The following PALS1 variants were observed in gnomAD, a reference collection of about 807,000 sequenced individuals.
PALS1 encodes protein PALS1.
A neutral mutation model predicts 78.9 loss-of-function variants in PALS1; 31 were observed. That is an observed-to-expected ratio of 0.39 (90% CI 0.30 to 0.53). The LOEUF is 0.53. Among genes scored for constraint, PALS1 ranks in the 20% least tolerant of loss-of-function variants. PALS1 has a pLI of 0.67. For synonymous variants in PALS1, 276 were observed against 270.9 expected (o/e 1.02, Z -0.18); for missense variants, 704 against 826.5 (o/e 0.85, Z 1.82).
At chr14:67,293,584 GT>G (rs964988458) in intron 4 of PALS1, among the ~76,000 whole-genome samples, 4 of 152,040 alleles carry the variant, frequency 2.6e-5, no homozygotes, top group African/African-American at 9.7e-5. Context: ...GGTTTAAATG[GT>G]TTTCTGAAAT....
intron 3 of PALS1, among the ~76,000 whole-genome samples, chr14:67,286,312 G>C (rs970181437): frequency 6.6e-6 from 1 of 151,998 alleles, no homozygotes; most frequent in Non-Finnish European, 1.5e-5. Flanking sequence ...TCTTGTGTCT[G>C]TTGTCTGTCT....
At position 67,333,492 on chromosome 14, in the gene PALS1, G is replaced by T. The variant is rs753865069; in HGVS notation, c.*536G>T. 2 of 152,566 alleles carry T rather than the reference G, an allele frequency of 1.3e-5. No individual in the cohort carries two copies. Among genetic ancestry groups the T allele is most frequent in the Non-Finnish European group, 2.9e-5 (2 of 68,024 alleles). The allele number at this position is 152,566 out of a possible 1,614,324, so 9.5% of individuals were successfully genotyped here. ...AAGGAAAAATAAAAAACAAAATGGT[G>T]CCACTTTGGGTTGAAGCTACTTTGT... On this transcript the variant is annotated 3_prime_UTR_variant, in exon 15 of 15. Transcript: ENST00000261681.
intron 12 of PALS1, 119 bp from the exon 13 acceptor site, chr14:67,320,938 C>A: frequency 1.2e-6 from 1 of 801,536 alleles, no homozygotes; most frequent in East Asian, 2.7e-5. Flanking sequence ...TTAGCATTTT[C>A]TCAGTTTATT....
intron 1 of PALS1, 175 bp downstream of exon 1, chr14:67,241,708 G>A (rs61990935): frequency 6.6e-6 from 1 of 152,446 alleles, no homozygotes; most frequent in African/African-American, 2.4e-5. Flanking sequence ...GCGAGCTGCG[G>A]CCGTGGAGGG....
intron 8 of PALS1, among the ~76,000 whole-genome samples, chr14:67,307,830 C>G (rs921963667): frequency 4.0e-5 from 6 of 151,892 alleles, no homozygotes; most frequent in African/African-American, 1.5e-4. Flanking sequence ...TGGAATCAAC[C>G]TAAATGCCCA....
At chr14:67,306,533 GTGTT>G (rs747707942) in intron 8 of PALS1, among the ~76,000 whole-genome samples, 2 of 142,166 alleles carry the variant, frequency 1.4e-5, no homozygotes, top group African/African-American at 5.5e-5. Context: ...GTGTGTGTGT[GTGTT>G]TGTGTATTTT....
chr14:67,302,754 T>G (rs1325436983), intron 7 of PALS1, among the ~76,000 whole-genome samples, 183 bp downstream of exon 7: 1 of 152,186 alleles, frequency 6.6e-6, no homozygotes, highest in Non-Finnish European at 1.5e-5. Flanking sequence ...CCACTGATAT[T>G]TTTTTACTTT....
At chr14:67,286,803 G>A (rs1307838840) in intron 3 of PALS1, among the ~76,000 whole-genome samples, 1 of 144,920 alleles carries the variant, frequency 6.9e-6, no homozygotes, top group Non-Finnish European at 1.5e-5. Flanking sequence ...GCTGCAGTGA[G>A]CTCTGATTAC....
chr14:67,319,142 A>G (rs996494519), intron 11 of PALS1, among the ~76,000 whole-genome samples: 4 of 152,210 alleles, frequency 2.6e-5, no homozygotes, highest in African/African-American at 7.2e-5. Flanking sequence ...TGGAATTTAA[A>G]CAAGTGTAGT....
At chr14:67,275,774 TATTA>T (rs1435840575) in intron 2 of PALS1, among the ~76,000 whole-genome samples, 2 of 152,204 alleles carry the variant, frequency 1.3e-5, no homozygotes, top group African/African-American at 2.4e-5. Flanking sequence ...GTTGGTAGGC[TATTA>T]ATTATTGCCT....
Position 67,320,415 on chromosome 14 carries a change from C to T in PALS1, c.1537+18C>T. On this transcript the variant is annotated intron_variant, in intron 12 of 14. Transcript: ENST00000261681. The stretch of plus-strand genomic sequence containing the variant: ...AGTTCCTCGTAAGTTTGAATGCATT[C>T]CCATTTTCCTGTGCTTTTCAATTTA... The T allele has an allele frequency of 6.4e-7, 1 of 1,572,082 alleles. No homozygotes were observed.
At chr14:67,278,745 A>G (rs2084550748) in intron 2 of PALS1, among the ~76,000 whole-genome samples, 1 of 151,978 alleles carries the variant, frequency 6.6e-6, no homozygotes, top group Admixed American at 6.6e-5. Flanking sequence ...TTACTTTCCT[A>G]CTTTGCTAAA....
Position 67,333,086 on chromosome 14 carries a change from G to C in PALS1, c.*130G>C. 1.3e-6 allele frequency: 1 copy of C among 765,690 alleles called. No homozygotes were observed. The highest frequency in any genetic ancestry group is 2.0e-6 in the Non-Finnish European group (1 of 491,468). The allele number at this position is 765,690 out of a possible 1,614,324, so 47.4% of individuals were successfully genotyped here. A position where few individuals can be genotyped will look rare whatever the true frequency, so the allele number is the denominator to read the frequency against. ...AGTATAAGCTGTAGATCTGTTCTTA[G>C]ATCTCTTGAATTAGTGAGACGACAG... is the stretch of plus-strand genomic sequence containing the variant. On this transcript the variant is annotated 3_prime_UTR_variant, in exon 15 of 15. Transcript: ENST00000261681.
At chr14:67,323,259 GTGTATATA>G (rs748557138) in intron 13 of PALS1, among the ~76,000 whole-genome samples, 1 of 125,182 alleles carries the variant, frequency 8.0e-6, no homozygotes, top group Non-Finnish European at 1.7e-5. Context: ...GTGTGTGTGT[GTGTATATA>G]TATATATGGC....
At chr14:67,289,709 G>T (rs1463954724) in intron 3 of PALS1, among the ~76,000 whole-genome samples, 1 of 151,084 alleles carries the variant, frequency 6.6e-6, no homozygotes, top group African/African-American at 2.4e-5. Flanking sequence ...TGGTGTTTCT[G>T]CAGACCTTAT....
At chr14:67,279,806 CT>C in intron 3 of PALS1, 1 of 358,756 alleles carries the variant, frequency 2.8e-6, no homozygotes, top group Non-Finnish European at 5.0e-6. Context: ...CATTTAAAGC[CT>C]TGAAATTTAC....
chr14:67,320,297 G>A lies in PALS1; in HGVS notation c.1437G>A (p.Lys479=). ...MSLYHQPANR[K]RPIILIGPQN... is the part of the protein sequence containing the mutation. ...TTTATCATCAGCCAGCAAATAGGAA[G>A]AGACCTATCATCTTGATTGGTCCAC... Residue 479 remains lysine, a synonymous_variant, in exon 12 of 15, where the codon AAG becomes AAA. Coordinates refer to ENST00000261681, the MANE Select transcript of PALS1 (RefSeq NM_022474.4). The A allele has an allele frequency of 1.2e-6, 2 of 1,613,828 alleles. No homozygotes were observed. The highest frequency in any genetic ancestry group is 1.7e-6 in the Non-Finnish European group (2 of 1,179,894).
intron 12 of PALS1, 64 bp downstream of exon 12, chr14:67,320,461 A>G (rs1349917218): frequency 2.8e-6 from 4 of 1,410,412 alleles, no homozygotes; most frequent in Non-Finnish European, 2.8e-6. Context: ...ACCTAACTAT[A>G]TCATGTAGGG....
chr14:67,284,588 A>AAAAAAAAAAAAAT (rs2084655935), intron 3 of PALS1, among the ~76,000 whole-genome samples: 1 of 130,710 alleles, frequency 7.7e-6, no homozygotes, highest in African/African-American at 3.2e-5. Context: ...AAAAAAAAAA[A>AAAAAAAAAAAAAT]GGTTGTGCAA....
Sources: allele counts gnomAD v4.1 joint callset (sites outside exome capture counted in the v4.1 genomes callset), GRCh38; gene constraint gnomAD v4.1.1; transcripts MANE v1.5; gene names NCBI Gene and HGNC (gene_info 2026-07-23, HGNC 2026-07-21).